GRIA4: variants seen among roughly 807,000 people sequenced by gnomAD.
GRIA4 encodes the protein glutamate ionotropic receptor AMPA type subunit 4.
A neutral mutation model predicts 104.0 loss-of-function variants in GRIA4; 34 were observed. The observed-to-expected ratio is 0.33, with a 90% CI of 0.25 to 0.44. GRIA4 has a LOEUF of 0.44. Among genes scored for constraint, GRIA4 ranks in the 20% least tolerant of loss-of-function variants. GRIA4 has a pLI of 1.00. For synonymous variants in GRIA4, 386 were observed against 381.9 expected, an observed-to-expected ratio of 1.01 and a Z score of -0.13; for missense variants, 750 against 1,096.5, an observed-to-expected ratio of 0.68 and a Z score of 4.46.
chr11:105,638,537 GTA>G (rs1260449137), intron 3 of GRIA4, among the ~76,000 whole-genome samples: 7 of 93,150 alleles, frequency 7.5e-5, no homozygotes, highest in African/African-American at 1.4e-4. Context: ...AGGTGCGCGT[GTA>G]TGTGTGTGTG....
intron 4 of GRIA4, among the ~76,000 whole-genome samples, chr11:105,857,920 T>C (rs1353540059): frequency 6.6e-6 from 1 of 152,178 alleles, no homozygotes; most frequent in East Asian, 1.9e-4. Context: ...AGCCCAGCTA[T>C]TGTTGTGAGT....
At chr11:105,659,149 CATCCATG>C in intron 3 of GRIA4, among the ~76,000 whole-genome samples, 1 of 151,994 alleles carries the variant, frequency 6.6e-6, no homozygotes, top group East Asian at 1.9e-4. Context: ...CCTCACCCAT[CATCCATG>C]TGGTAGCTGC....
At chr11:105,856,232 C>T (rs1032977542) in intron 4 of GRIA4, among the ~76,000 whole-genome samples, 2 of 152,238 alleles carry the variant, frequency 1.3e-5, no homozygotes, top group East Asian at 3.9e-4. Context: ...CAGCTGTAAT[C>T]ATCCCTCTAA....
intron 3 of GRIA4, among the ~76,000 whole-genome samples, chr11:105,657,034 C>T (rs1314687937): frequency 9.0e-6 from 1 of 110,752 alleles, no homozygotes; most frequent in Non-Finnish European, 2.0e-5. Flanking sequence ...GGGTTTATTG[C>T]TCCAGAAAAA....
intron 4 of GRIA4, among the ~76,000 whole-genome samples, chr11:105,810,901 G>T (rs764309150): frequency 2.6e-5 from 4 of 152,100 alleles, no homozygotes; most frequent in Non-Finnish European, 5.9e-5. Context: ...ATCTGCAACT[G>T]TGTTAAGCAT....
At chr11:105,684,785 T>G (rs1017834011) in intron 3 of GRIA4, among the ~76,000 whole-genome samples, 1 of 151,672 alleles carries the variant, frequency 6.6e-6, no homozygotes, top group Admixed American at 6.6e-5. Context: ...CTGTTTAAAT[T>G]GACGTATCAG....
At chr11:105,918,682 T>C (rs1299011036) in intron 10 of GRIA4, 30 bp from the exon 11 acceptor site, 1 of 1,049,548 alleles carries the variant, frequency 9.5e-7, no homozygotes, top group Admixed American at 1.8e-5. Context: ...TTATAATTTC[T>C]CCTTTACAGT....
chr11:105,650,497 G>GA (rs561487919), intron 3 of GRIA4, among the ~76,000 whole-genome samples: 28 of 147,594 alleles, frequency 1.9e-4, no homozygotes, highest in African/African-American at 3.7e-4. Flanking sequence ...CCAAGAGTCT[G>GA]AAAAAAAAAA....
chr11:105,671,948 A>C (rs1314391784), intron 3 of GRIA4, among the ~76,000 whole-genome samples: 1 of 152,020 alleles, frequency 6.6e-6, no homozygotes, highest in Non-Finnish European at 1.5e-5. Context: ...GGGGATTCTG[A>C]GTGCTGTTTC....
chr11:105,612,251 G>A, intron 2 of GRIA4, 25 bp from the exon 3 acceptor site: 8 of 1,611,280 alleles, frequency 5.0e-6, no homozygotes, highest in Non-Finnish European at 6.8e-6. Flanking sequence ...AACAGTGAAT[G>A]TGCTTTTCCT....
intron 3 of GRIA4, among the ~76,000 whole-genome samples, chr11:105,710,917 T>C (rs1441226376): frequency 1.3e-5 from 2 of 152,020 alleles, no homozygotes; most frequent in East Asian, 3.9e-4. Flanking sequence ...ACTATTTTAT[T>C]AGGAAACAAA....
intron 4 of GRIA4, among the ~76,000 whole-genome samples, chr11:105,811,129 G>T (rs934770028): frequency 6.6e-6 from 1 of 152,096 alleles, no homozygotes; most frequent in Non-Finnish European, 1.5e-5. Context: ...AATTAACCAT[G>T]CAGGCATTCT....
At chr11:105,720,106 C>A (rs1937687480) in intron 3 of GRIA4, among the ~76,000 whole-genome samples, 1 of 151,654 alleles carries the variant, frequency 6.6e-6, no homozygotes, top group South Asian at 2.1e-4. Flanking sequence ...CAACTTTGAT[C>A]TCTAAACCAG....
At chr11:105,787,592 C>T (rs1371259507) in intron 4 of GRIA4, among the ~76,000 whole-genome samples, 1 of 151,006 alleles carries the variant, frequency 6.6e-6, no homozygotes, top group Non-Finnish European at 1.5e-5. Context: ...TCTCCCACCT[C>T]AGCCTCCTGA....
At chr11:105,648,603 G>A (rs1306381095) in intron 3 of GRIA4, among the ~76,000 whole-genome samples, 2 of 151,222 alleles carry the variant, frequency 1.3e-5, no homozygotes, top group African/African-American at 4.8e-5. Context: ...GAAAAAAAAA[G>A]AAAGAACTAG....
At chr11:105,703,112 T>C (rs1177105362) in intron 3 of GRIA4, among the ~76,000 whole-genome samples, 2 of 152,188 alleles carry the variant, frequency 1.3e-5, no homozygotes, top group Admixed American at 1.3e-4. Flanking sequence ...TATACTAATG[T>C]CAAGATGCAA....
chr11:105,674,523 A>G lies in GRIA4; in HGVS notation c.247+62089A>G, dbSNP rs567825859. Among the ~76,000 whole-genome samples the G allele has an allele frequency of 2.0e-5, 3 of 152,040 alleles. No homozygotes were observed. In the South Asian group the frequency reaches 6.2e-4, roughly 32 times the overall value. On this transcript the variant is annotated intron_variant, in intron 3 of 16. Transcript: ENST00000282499. ...AACACTGTGGCCAAATATAGGCTAT[A>G]GTATAATGCAGTCACTGAAAAAAAA...
intron 5 of GRIA4, among the ~76,000 whole-genome samples, chr11:105,885,835 T>C (rs879200504): frequency 6.6e-6 from 1 of 152,214 alleles, no homozygotes; most frequent in Admixed American, 6.5e-5. Context: ...TGAGAACTTA[T>C]CATAAAAGTG....
intron 4 of GRIA4, among the ~76,000 whole-genome samples, chr11:105,826,616 C>T (rs1368453060): frequency 6.6e-6 from 1 of 152,006 alleles, no homozygotes; most frequent in Non-Finnish European, 1.5e-5. Flanking sequence ...GCATGCTTCT[C>T]TCATTTTCCA....
Sources: gnomAD v4.1 joint callset for allele counts (sites outside exome capture counted in the v4.1 genomes callset) on GRCh38, gnomAD v4.1.1 for gene constraint, MANE v1.5 for transcripts, NCBI Gene and HGNC (gene_info 2026-07-23, HGNC 2026-07-21) for gene names.